ANKS3: variants seen among roughly 807,000 people sequenced by gnomAD.
ANKS3 encodes the protein ankyrin repeat and sterile alpha motif domain containing 3.
A neutral mutation model predicts 80.7 loss-of-function variants in ANKS3; 62 were observed. That is an observed-to-expected ratio of 0.77 (90% CI 0.63 to 0.95). ANKS3 has a LOEUF of 0.95. Among genes scored for constraint, ANKS3 ranks in the 40% least tolerant of loss-of-function variants. The pLI, the probability that ANKS3 is intolerant of heterozygous loss-of-function variation, is 0.00. For missense variants in ANKS3, 1,150 were observed against 883.6 expected, an observed-to-expected ratio of 1.30 and a Z score of -3.82; for synonymous variants, 489 against 355.3, an observed-to-expected ratio of 1.38 and a Z score of -4.23.
At chr16:4,705,702 T>C (rs2080151698) in intron 7 of ANKS3, among the ~76,000 whole-genome samples, 1 of 152,100 alleles carries the variant, frequency 6.6e-6, no homozygotes, top group Admixed American at 6.5e-5. Flanking sequence ...ACTCCTGATC[T>C]GCCTGCCTTG....
chr16:4,699,343 G>A, intron 11 of ANKS3, 167 bp from the exon 12 acceptor site: 1 of 917,660 alleles, frequency 1.1e-6, no homozygotes, highest in Non-Finnish European at 1.6e-6. Flanking sequence ...GGCAGGGCAG[G>A]ATGTTGCAGG....
intron 1 of ANKS3, among the ~76,000 whole-genome samples, chr16:4,733,682 A>G (rs2081786649): frequency 6.6e-6 from 1 of 152,220 alleles, no homozygotes; most frequent in Non-Finnish European, 1.5e-5. Context: ...CCCCCATTTT[A>G]CATGTGATTA....
chr16:4,730,181 T>G (rs894896227), intron 2 of ANKS3, 30 bp from the exon 3 acceptor site: 1 of 1,456,348 alleles, frequency 6.9e-7, no homozygotes, highest in African/African-American at 1.4e-5. Flanking sequence ...GGTTAGATCT[T>G]TCCTGGCTGG....
At chr16:4,728,332 C>A (rs1029591679) in intron 3 of ANKS3, among the ~76,000 whole-genome samples, 14 of 152,162 alleles carry the variant, frequency 9.2e-5, no homozygotes, top group African/African-American at 3.1e-4. Context: ...GCGTGAGCCA[C>A]CGCGCCCAGC....
chr16:4,714,885 G>C (rs960876593), intron 6 of ANKS3, among the ~76,000 whole-genome samples: 2 of 151,268 alleles, frequency 1.3e-5, no homozygotes, highest in Admixed American at 6.6e-5. Context: ...TCAGCTACTC[G>C]GGAGGCTGAG....
intron 15 of ANKS3, 30 bp from the exon 16 acceptor site, chr16:4,697,446 C>G (rs756378514): frequency 1.3e-6 from 2 of 1,544,228 alleles, no homozygotes; most frequent in Non-Finnish European, 1.8e-6. Context: ...ACCGAGTTAG[C>G]TGGGGGTCTG....
chr16:4,702,021 C>G (rs1567318214), intron 9 of ANKS3, 81 bp downstream of exon 9: 2 of 1,467,492 alleles, frequency 1.4e-6, no homozygotes, highest in East Asian at 5.0e-5. Flanking sequence ...AGCGCCAGGC[C>G]CAGGGGATAA....
intron 7 of ANKS3, among the ~76,000 whole-genome samples, chr16:4,710,773 A>G (rs1435421289): frequency 6.6e-6 from 1 of 152,144 alleles, no homozygotes; most frequent in African/African-American, 2.4e-5. Flanking sequence ...AACCACTGAA[A>G]CAGAGTATTT....
chr16:4,719,100 C>T (rs191799693), intron 6 of ANKS3, among the ~76,000 whole-genome samples: 3 of 152,140 alleles, frequency 2.0e-5, no homozygotes, highest in African/African-American at 7.2e-5. Flanking sequence ...TTTGGGAGGC[C>T]AAGGTGGGAG....
chr16:4,705,840 T>C (rs1006019847), intron 7 of ANKS3, among the ~76,000 whole-genome samples: 6 of 152,202 alleles, frequency 3.9e-5, no homozygotes, highest in Non-Finnish European at 8.8e-5. Context: ...TGTTCTAATT[T>C]GAATAAGTAA....
intron 3 of ANKS3, among the ~76,000 whole-genome samples, chr16:4,728,486 A>G (rs1029212284): frequency 6.6e-6 from 1 of 152,146 alleles, no homozygotes; most frequent in African/African-American, 2.4e-5. Flanking sequence ...GGGGGGCTGC[A>G]TGGAGATGCC....
intron 7 of ANKS3, 120 bp from the exon 8 acceptor site, chr16:4,705,373 C>T (rs1434721249): frequency 5.8e-5 from 71 of 1,224,546 alleles, no homozygotes; most frequent in Middle Eastern, 2.8e-4. Context: ...AGAAGGGTAT[C>T]TGCCAGGGCA....
intron 6 of ANKS3, among the ~76,000 whole-genome samples, chr16:4,719,208 T>G (rs2080958170): frequency 6.6e-6 from 1 of 152,126 alleles, no homozygotes; most frequent in African/African-American, 2.4e-5. Flanking sequence ...AGCATGCGCT[T>G]GTGGTCTCAG....
At chr16:4,724,185 G>C (rs1404802337) in intron 6 of ANKS3, among the ~76,000 whole-genome samples, 1 of 152,202 alleles carries the variant, frequency 6.6e-6, no homozygotes, top group African/African-American at 2.4e-5. Context: ...TAAAAACTAA[G>C]TTTCTACTAA....
chr16:4,701,382 G>A (rs2079893983), intron 10 of ANKS3, 52 bp downstream of exon 10: 1 of 1,487,242 alleles, frequency 6.7e-7, no homozygotes, highest in Non-Finnish European at 9.1e-7. Flanking sequence ...GGGATGTCAG[G>A]CATCCCAGCC....
rs929423699 is a variant in ANKS3 at position 4,701,218 on chromosome 16, TGA to T, written c.1120-86_1120-85del. ...AACCCCCACCCGCCACACAGGGGCTTGAGAGGCTTCGTGAAACCCCCCACCCG... is the reference window on the plus strand; with the variant it reads ...AACCCCCACCCGCCACACAGGGGCTTGAGGCTTCGTGAAACCCCCCACCCG... On this transcript the variant is annotated intron_variant, in intron 10 of 17. Transcript: ENST00000304283. The T allele has an allele frequency of 1.7e-5, 27 of 1,589,520 alleles. No homozygotes were observed. In the African/African-American group the frequency reaches 3.6e-4, roughly 21 times the overall value.
At chr16:4,714,450 G>A (rs183040585) in intron 6 of ANKS3, among the ~76,000 whole-genome samples, 3 of 152,346 alleles carry the variant, frequency 2.0e-5, no homozygotes, top group East Asian at 1.9e-4. Flanking sequence ...CTTGCAGGGG[G>A]CTGGCAGCCA....
chr16:4,709,093 C>G (rs1159892712), intron 7 of ANKS3, among the ~76,000 whole-genome samples: 2 of 151,902 alleles, frequency 1.3e-5, no homozygotes, highest in East Asian at 1.9e-4. Context: ...TACTGAGACA[C>G]TGTCTCTATT....
intron 6 of ANKS3, 184 bp from the exon 7 acceptor site, chr16:4,714,370 A>G (rs915097148): frequency 1.1e-5 from 9 of 838,500 alleles, no homozygotes; most frequent in Non-Finnish European, 1.6e-5. Context: ...TTTTGCTCTC[A>G]CTCTCTTCTT....
Sources: allele counts gnomAD v4.1 joint callset (sites outside exome capture counted in the v4.1 genomes callset), GRCh38; gene constraint gnomAD v4.1.1; transcripts MANE v1.5; gene names NCBI Gene and HGNC (gene_info 2026-07-23, HGNC 2026-07-21).